The following NUMB variants were observed in gnomAD, a reference collection of about 807,000 sequenced individuals.
NUMB encodes NUMB endocytic adaptor protein.
NUMB carries 29 observed loss-of-function variants against 59.7 expected under a neutral mutation model. The observed-to-expected ratio is 0.49, with a 90% CI of 0.36 to 0.66. The LOEUF (loss-of-function observed/expected upper bound fraction) is 0.66. Ranked by LOEUF, NUMB falls within the 30% of genes least tolerant of loss-of-function variation. NUMB has a pLI of 0.00. For synonymous variants in NUMB, 288 were observed against 288.2 expected (o/e 1.00, Z 0.01); for missense variants, 723 against 822.0 (o/e 0.88, Z 1.47).
chr14:73,436,139 T>C (rs1898045045), intron 1 of NUMB, among the ~76,000 whole-genome samples: 1 of 152,314 alleles, frequency 6.6e-6, no homozygotes. Context: ...GAATTTACTA[T>C]ACAATGAGGA....
At chr14:73,399,334 C>T (rs1044839882) in intron 2 of NUMB, among the ~76,000 whole-genome samples, 1 of 152,142 alleles carries the variant, frequency 6.6e-6, no homozygotes, top group Non-Finnish European at 1.5e-5. Flanking sequence ...GAGGCTGAGG[C>T]GGGCAGATCA....
chr14:73,426,644 C>T (rs1012407598), intron 1 of NUMB, among the ~76,000 whole-genome samples: 5 of 151,972 alleles, frequency 3.3e-5, no homozygotes, highest in African/African-American at 1.2e-4. Flanking sequence ...GTCAGAAGTT[C>T]GAGAACTGCC....
intron 6 of NUMB, among the ~76,000 whole-genome samples, chr14:73,304,461 TACC>T (rs1890314542): frequency 6.6e-6 from 1 of 151,902 alleles, no homozygotes; most frequent in African/African-American, 2.4e-5. Context: ...CACAAGTAAG[TACC>T]ACCACACCTG....
At chr14:73,304,424 C>G (rs1890311796) in intron 6 of NUMB, among the ~76,000 whole-genome samples, 1 of 152,164 alleles carries the variant, frequency 6.6e-6, no homozygotes, top group African/African-American at 2.4e-5. Context: ...CATCTACCCA[C>G]CTCAGCCTCC....
chr14:73,393,480 A>C (rs760256067), intron 2 of NUMB, among the ~76,000 whole-genome samples: 3 of 152,240 alleles, frequency 2.0e-5, no homozygotes, highest in African/African-American at 4.8e-5. Flanking sequence ...AGGCTGTATA[A>C]ATCTGGAAGA....
At chr14:73,309,756 T>TAATAATA (rs1555370100) in intron 6 of NUMB, among the ~76,000 whole-genome samples, 3 of 123,846 alleles carry the variant, frequency 2.4e-5, no homozygotes, top group Non-Finnish European at 4.8e-5. Flanking sequence ...ATAATAATAA[T>TAATAATA]AAAAATAGGA....
chr14:73,396,992 C>T (rs190254320), intron 2 of NUMB, among the ~76,000 whole-genome samples: 9 of 152,020 alleles, frequency 5.9e-5, no homozygotes, highest in Admixed American at 3.9e-4. Context: ...GGCATGGTGG[C>T]GCACACCTGT....
At chr14:73,400,650 C>T (rs779222273) in intron 2 of NUMB, among the ~76,000 whole-genome samples, 2 of 152,158 alleles carry the variant, frequency 1.3e-5, no homozygotes, top group African/African-American at 4.8e-5. Context: ...AAGAGGGTTG[C>T]CCCCAACCTC....
chr14:73,382,422 C>T (rs1353299830), intron 2 of NUMB, among the ~76,000 whole-genome samples: 1 of 151,394 alleles, frequency 6.6e-6, no homozygotes, highest in Admixed American at 6.6e-5. Flanking sequence ...GCCACTGCGC[C>T]CAGCCAAAGT....
chr14:73,437,288 C>T (rs1411689253), intron 1 of NUMB, among the ~76,000 whole-genome samples: 1 of 152,122 alleles, frequency 6.6e-6, no homozygotes, highest in African/African-American at 2.4e-5. Context: ...TCAGGCAATC[C>T]AGCCTCCCAA....
At chr14:73,287,374 A>C in intron 8 of NUMB, 60 bp from the exon 9 acceptor site, 1 of 1,373,692 alleles carries the variant, frequency 7.3e-7, no homozygotes, top group Non-Finnish European at 9.9e-7. Context: ...ACATACAAAT[A>C]AGTCTTTTGT....
chr14:73,430,161 T>C (rs577144805), intron 1 of NUMB, among the ~76,000 whole-genome samples: 1 of 151,380 alleles, frequency 6.6e-6, no homozygotes, highest in Admixed American at 6.6e-5. Context: ...ATTTTAAATA[T>C]ATATTTTGCA....
chr14:73,403,574 T>C (rs1271944626), intron 2 of NUMB, among the ~76,000 whole-genome samples: 1 of 152,170 alleles, frequency 6.6e-6, no homozygotes, highest in African/African-American at 2.4e-5. Context: ...GGGCTCTGAA[T>C]TGCACACATG....
Position 73,434,750 on chromosome 14 carries a change from T to C in NUMB, c.-233+23743A>G, listed in dbSNP as rs567409263. Among the ~76,000 whole-genome samples, 3 of 152,284 alleles carry C rather than the reference T, an allele frequency of 2.0e-5. No individual in the cohort carries two copies. The East Asian group carries it at 5.8e-4, about 29-fold the overall frequency. On this transcript the variant is annotated intron_variant, in intron 1 of 12. Coordinates refer to ENST00000555238, the MANE Select transcript of NUMB (RefSeq NM_001005743.2). ...AAAAAATGAAAAAACCATAGCTCTCTACAAAACACAGCCTGAAGTCTTTCT... is the reference window on the plus strand; with the variant it reads ...AAAAAATGAAAAAACCATAGCTCTCCACAAAACACAGCCTGAAGTCTTTCT...
intron 11 of NUMB, among the ~76,000 whole-genome samples, chr14:73,280,882 C>T (rs373356953): frequency 4.0e-5 from 6 of 151,684 alleles, no homozygotes; most frequent in African/African-American, 1.5e-4. Flanking sequence ...TTAGTAGAGA[C>T]GAGGTTTCAC....
chr14:73,284,225 C>T lies in NUMB; in HGVS notation c.805G>A (p.Glu269Lys). Residue 269 changes from glutamate to lysine, a missense_variant, in exon 10 of 13, where the codon GAA (glutamate) becomes AAA (lysine). Coordinates refer to ENST00000555238, the MANE Select transcript of NUMB (RefSeq NM_001005743.2). ...HAIPRRHAPI[E>K]QLARQGSFRG... ...AAAGAGCCTTGGCGAGCAAGCTGTT[C>T]AATTGGAGCATGCCGGCGTGGGATG... 1 of 1,614,120 alleles carries T rather than the reference C, an allele frequency of 6.2e-7. No homozygotes were observed. The highest frequency in any genetic ancestry group is 1.1e-5 in the South Asian group (1 of 91,084).
chr14:73,362,419 A>C (rs890586807), intron 3 of NUMB, among the ~76,000 whole-genome samples: 1 of 152,094 alleles, frequency 6.6e-6, no homozygotes, highest in Non-Finnish European at 1.5e-5. Flanking sequence ...GAGAAACAGA[A>C]GGTGAAAGAA....
At chr14:73,425,522 ATG>A (rs1897540531) in intron 1 of NUMB, among the ~76,000 whole-genome samples, 1 of 152,074 alleles carries the variant, frequency 6.6e-6, no homozygotes, top group Admixed American at 6.6e-5. Flanking sequence ...TTAAATTTAA[ATG>A]TCTCACCCAA....
At chr14:73,329,665 C>T (rs926672763) in intron 4 of NUMB, among the ~76,000 whole-genome samples, 1 of 152,230 alleles carries the variant, frequency 6.6e-6, no homozygotes, top group Non-Finnish European at 1.5e-5. Context: ...TGACTACTCT[C>T]TTTGAACTTC....
Sources: gnomAD v4.1 joint callset for allele counts (sites outside exome capture counted in the v4.1 genomes callset) on GRCh38, gnomAD v4.1.1 for gene constraint, MANE v1.5 for transcripts, NCBI Gene and HGNC (gene_info 2026-07-23, HGNC 2026-07-21) for gene names.